Variants in COPS6 observed in about 807,000 individuals in gnomAD.
COPS6 encodes the protein COP9 signalosome subunit 6.
Under a neutral mutation model 41.0 loss-of-function variants are expected in COPS6, and 9 were observed. The observed-to-expected ratio is 0.22, with a 90% CI of 0.13 to 0.38. The LOEUF (loss-of-function observed/expected upper bound fraction) is 0.38, where lower values mean the gene tolerates loss of function less well. COPS6 is among the 10% of genes least tolerant of loss of function. COPS6 has a pLI of 1.00. For missense variants in COPS6, 302 were observed against 436.7 expected (o/e 0.69, Z 2.75); for synonymous variants, 179 against 162.9 (o/e 1.10, Z -0.75).
chr7:100,091,831 A>G lies in COPS6; in HGVS notation c.*42A>G, dbSNP rs746244539. 4 of 1,612,930 alleles carry G rather than the reference A, an allele frequency of 2.5e-6. No individual in the cohort carries two copies. The highest frequency in any genetic ancestry group is 3.4e-6 in the Non-Finnish European group (4 of 1,179,108). ...GCTGATGGACAGGGGTCAGGCAACTATCCCAAAGGGGAGGGCACTACACTT... is the reference window on the plus strand; with the variant it reads ...GCTGATGGACAGGGGTCAGGCAACTGTCCCAAAGGGGAGGGCACTACACTT... On this transcript the variant is annotated 3_prime_UTR_variant, in exon 10 of 10. Coordinates refer to ENST00000303904, the MANE Select transcript of COPS6 (RefSeq NM_006833.5). This position sits in a 1 kb window ranked among gnomAD's most constrained non-coding sequence, Gnocchi z 4.1.
chr7:100,091,357 T>A lies in COPS6; in HGVS notation c.742+27T>A. On this transcript the variant is annotated intron_variant, in intron 8 of 9. Coordinates refer to ENST00000303904, the MANE Select transcript of COPS6 (RefSeq NM_006833.5). The surrounding 1 kb of genome is among the most constrained non-coding windows in gnomAD (Gnocchi z 4.1). The stretch of plus-strand genomic sequence containing the variant: ...TAGGACAGGGGCTTCCCTGGCATTC[T>A]TCCTCTCCCTCCTGGGGAAGTGACA... 6.2e-7 allele frequency: 1 copy of A among 1,613,638 alleles called. No individual in the cohort carries two copies. The highest frequency in any genetic ancestry group is 1.1e-5 in the South Asian group (1 of 91,076).
chr7:100,091,142 G>T lies in COPS6; in HGVS notation c.639G>T (p.Glu213Asp). Residue 213 changes from glutamate (E) to aspartate (D), a missense_variant, in exon 7 of 10, where the codon GAG becomes GAT. By Grantham distance (45) the Glu-to-Asp change is conservative. Around this residue, in one of 3 missense-constraint regions of COPS6, gnomAD observed 222 missense variants for 309.0 expected, o/e 0.72. Coordinates refer to ENST00000303904, the MANE Select transcript of COPS6 (RefSeq NM_006833.5). The surrounding 1 kb of genome is among the most constrained non-coding windows in gnomAD (Gnocchi z 4.1). ...GAATGACAGCAACAGGCAGTGGAGAGAACTCCACTGGTAATGGAGGGGATT... is the reference window on the plus strand; with the variant it reads ...GAATGACAGCAACAGGCAGTGGAGATAACTCCACTGGTAATGGAGGGGATT... ...VARMTATGSG[E>D]NSTVAEHLIA... 2 of 1,613,428 alleles carry T rather than the reference G, an allele frequency of 1.2e-6. No individual in the cohort carries two copies. The highest frequency in any genetic ancestry group is 2.2e-5 in the East Asian group (1 of 44,886).
Position 100,091,533 on chromosome 7 carries a change from C to T in COPS6, c.843+13C>T. ...AGATTTTTATGATGTGAGTGTAAAA[C>T]CCGGATGGGGAGGCGGGGCTTATGC... On this transcript the variant is annotated intron_variant, in intron 9 of 9. Coordinates refer to ENST00000303904, the MANE Select transcript of COPS6 (RefSeq NM_006833.5). This position sits in a 1 kb window ranked among gnomAD's most constrained non-coding sequence, Gnocchi z 4.1. 6.2e-7 allele frequency: 1 copy of T among 1,613,908 alleles called. No homozygotes were observed.
Position 100,089,002 on chromosome 7 carries a change from G to T in COPS6, c.12G>T (p.Ala4=). ...CGGGCGCGGGGAAAATGGCGGCGGC[G>T]GCGGCGGCGGCTGCAGCTACGAACG... is the stretch of plus-strand genomic sequence containing the variant. MAA[A]AAAAAATNGT... The change falls in exon 1 of 10, where the codon GCG becomes GCT. Residue 4 remains alanine, a synonymous_variant. Coordinates refer to ENST00000303904, the MANE Select transcript of COPS6 (RefSeq NM_006833.5). The T allele has an allele frequency of 7.6e-7, 1 of 1,310,820 alleles. No individual in the cohort carries two copies. The highest frequency in any genetic ancestry group is 4.0e-5 in the Admixed American group (1 of 24,812). 81.2% of individuals were successfully genotyped at this position (1,310,820 alleles called of 1,614,324 possible).
chr7:100,091,638 T>C lies in COPS6; in HGVS notation c.844-11T>C. On this transcript the variant is annotated splice_polypyrimidine_tract_variant and intron_variant, in intron 9 of 9. Transcript: ENST00000303904. The surrounding 1 kb of genome is among the most constrained non-coding windows in gnomAD (Gnocchi z 4.1). ...GATCCCGAGGAACTGGTCCTTTCTG[T>C]TCCCTCCCAGCAATGCAACGACGTG... 6.2e-7 allele frequency: 1 copy of C among 1,614,184 alleles called. No individual in the cohort carries two copies. The highest frequency in any genetic ancestry group is 8.5e-7 in the Non-Finnish European group (1 of 1,180,014).
chr7:100,091,864 A>G lies in COPS6; in HGVS notation c.*75A>G. The G allele has an allele frequency of 1.9e-6, 3 of 1,587,932 alleles. No homozygotes were observed. The highest frequency in any genetic ancestry group is 2.6e-6 in the Non-Finnish European group (3 of 1,160,434). On this transcript the variant is annotated 3_prime_UTR_variant, in exon 10 of 10. Coordinates refer to ENST00000303904, the MANE Select transcript of COPS6 (RefSeq NM_006833.5). This position sits in a 1 kb window ranked among gnomAD's most constrained non-coding sequence, Gnocchi z 4.1. The stretch of plus-strand genomic sequence containing the variant: ...GGGGAGGGCACTACACTTCCTTGAG[A>G]GAAACCGCTGTCATTAATAAAAGGG...
Position 100,090,945 on chromosome 7 carries a change from G to C in COPS6, c.530G>C (p.Gly177Ala), listed in dbSNP as rs1396816437. Residue 177 changes from glycine (G) to alanine (A), a missense_variant, in exon 6 of 10, where the codon GGA becomes GCA. Coordinates refer to ENST00000303904, the MANE Select transcript of COPS6 (RefSeq NM_006833.5). ...VFESVIDIIN[G>A]EATMLFAELT... ...GAGTCTGTCATTGATATAATCAATG[G>C]AGAGGTAATACCCTACCCTTCAACC... The C allele has an allele frequency of 6.2e-7, 1 of 1,613,964 alleles. No homozygotes were observed. Among genetic ancestry groups the C allele is most frequent in the Non-Finnish European group, 8.5e-7 (1 of 1,179,816 alleles).
chr7:100,089,784 T>C, intron 3 of COPS6, 38 bp downstream of exon 3: 1 of 1,587,848 alleles, frequency 6.3e-7, no homozygotes, highest in Non-Finnish European at 8.6e-7. Context: ...GGAGTGGGAG[T>C]TAAAAAAAAA....
chr7:100,089,584 C>T, intron 2 of COPS6, 31 bp from the exon 3 acceptor site: 1 of 1,607,970 alleles, frequency 6.2e-7, no homozygotes, highest in Non-Finnish European at 8.5e-7. Flanking sequence ...TTTCTTTACC[C>T]TCACCTTTTC....
chr7:100,090,219 G>T (rs528528201), intron 3 of COPS6, 180 bp from the exon 4 acceptor site: 68 of 595,002 alleles, frequency 1.1e-4, no homozygotes, highest in African/African-American at 1.1e-3. Flanking sequence ...ATGGTGGTGC[G>T]TGCCTGTAGT....
In COPS6 at chr7:100,091,780, C is replaced by G. The variant is rs76829163; in HGVS notation, c.975C>G (p.Leu325=). 1 of 1,614,204 alleles carries G rather than the reference C, an allele frequency of 6.2e-7. No individual in the cohort carries two copies. The highest frequency in any genetic ancestry group is 1.3e-5 in the African/African-American group (1 of 75,050). ...RQGIGRRMRG[L]FF is the part of the protein sequence containing the mutation. ...GCATCGGCAGGAGAATGCGCGGGCT[C>G]TTTTTCTGATGAGGGTACTTGAAGG... Residue 325 remains leucine, a synonymous_variant, in exon 10 of 10, where the codon CTC becomes CTG. Coordinates refer to ENST00000303904, the MANE Select transcript of COPS6 (RefSeq NM_006833.5). This position sits in a 1 kb window ranked among gnomAD's most constrained non-coding sequence, Gnocchi z 4.1.
In COPS6 at chr7:100,089,385, A is replaced by C; in HGVS notation, c.172A>C (p.Met58Leu). Reference sequence around the variant, plus strand: ...CAACATCTCAGACCACTGGATCCGCATGCGCTCCCAGGAGGGGCGGCCTGT... The same window carrying C: ...CAACATCTCAGACCACTGGATCCGCCTGCGCTCCCAGGAGGGGCGGCCTGT... The part of the protein sequence containing the change: ...ILNISDHWIR[M>L]RSQEGRPVQV... The change falls in exon 2 of 10, where the codon ATG becomes CTG. Residue 58 changes from methionine (M) to leucine (L), a missense_variant. Physicochemically the swap from Met to Leu is conservative, Grantham distance 15 (BLOSUM62 2). Coordinates refer to ENST00000303904, the MANE Select transcript of COPS6 (RefSeq NM_006833.5). 1 of 1,614,006 alleles carries C rather than the reference A, an allele frequency of 6.2e-7. No homozygotes were observed. The highest frequency in any genetic ancestry group is 8.5e-7 in the Non-Finnish European group (1 of 1,180,012).
Position 100,091,779 on chromosome 7 carries a change from T to A in COPS6, c.974T>A (p.Leu325His), listed in dbSNP as rs1218259199. 6.2e-7 allele frequency: 1 copy of A among 1,614,086 alleles called. No individual in the cohort carries two copies. Among genetic ancestry groups the A allele is most frequent in the Non-Finnish European group, 8.5e-7 (1 of 1,180,054 alleles). ...RQGIGRRMRG[L>H]FF ...GGCATCGGCAGGAGAATGCGCGGGC[T>A]CTTTTTCTGATGAGGGTACTTGAAG... Residue 325 changes from leucine to histidine, a missense_variant, in exon 10 of 10, where the codon CTC (leucine) becomes CAC (histidine). Coordinates refer to ENST00000303904, the MANE Select transcript of COPS6 (RefSeq NM_006833.5). This position sits in a 1 kb window ranked among gnomAD's most constrained non-coding sequence, Gnocchi z 4.1.
At position 100,089,929 on chromosome 7, in the gene COPS6, C is replaced by CTTCTCA. The variant is rs1212466303; in HGVS notation, c.334+183_334+184insTTCTCA. The CTTCTCA allele has an allele frequency of 6.7e-6, 4 of 599,170 alleles. No individual in the cohort carries two copies. In the East Asian group the frequency reaches 1.2e-4, roughly 18 times the overall value. The allele number at this position is 599,170 out of a possible 1,614,324, so 37.1% of individuals were successfully genotyped here. On this transcript the variant is annotated intron_variant, in intron 3 of 9. Coordinates refer to ENST00000303904, the MANE Select transcript of COPS6 (RefSeq NM_006833.5). The stretch of plus-strand genomic sequence containing the variant: ...TTCAGAGTTCTTTCTCAAAAGAAAG[C>CTTCTCA]AAAGGATGAGAGGAGACAGGATAGA...
intron 1 of COPS6, 57 bp downstream of exon 1, chr7:100,089,123 C>T: frequency 4.1e-6 from 6 of 1,454,882 alleles, no homozygotes; most frequent in Non-Finnish European, 5.4e-6. Flanking sequence ...TCGTTGAGGC[C>T]TCCCTGTGCT....
In COPS6 at chr7:100,091,360, C is replaced by G; in HGVS notation, c.742+30C>G. On this transcript the variant is annotated intron_variant, in intron 8 of 9. Coordinates refer to ENST00000303904, the MANE Select transcript of COPS6 (RefSeq NM_006833.5). This position sits in a 1 kb window ranked among gnomAD's most constrained non-coding sequence, Gnocchi z 4.1. ...GACAGGGGCTTCCCTGGCATTCTTCCTCTCCCTCCTGGGGAAGTGACAGCA... is the reference window on the plus strand; with the variant it reads ...GACAGGGGCTTCCCTGGCATTCTTCGTCTCCCTCCTGGGGAAGTGACAGCA... The G allele has an allele frequency of 6.2e-7, 1 of 1,613,374 alleles. No individual in the cohort carries two copies. Among genetic ancestry groups the G allele is most frequent in the South Asian group, 1.1e-5 (1 of 91,070 alleles).
chr7:100,091,025 C>T lies in COPS6; in HGVS notation c.535-13C>T, dbSNP rs777038627. The T allele has an allele frequency of 5.0e-6, 8 of 1,614,136 alleles. No individual in the cohort carries two copies. The highest frequency in any genetic ancestry group is 6.8e-6 in the Non-Finnish European group (8 of 1,179,958). On this transcript the variant is annotated splice_polypyrimidine_tract_variant and intron_variant, in intron 6 of 9. Coordinates refer to ENST00000303904, the MANE Select transcript of COPS6 (RefSeq NM_006833.5). The surrounding 1 kb of genome is among the most constrained non-coding windows in gnomAD (Gnocchi z 4.1). ...CTTTTGATTCTCCCTTTGTGGGTTA[C>T]CTTGCCCTGTAGGCCACAATGCTGT... is the stretch of plus-strand genomic sequence containing the variant.
intron 5 of COPS6, 61 bp from the exon 6 acceptor site, chr7:100,090,841 G>A (rs954390860): frequency 6.3e-7 from 1 of 1,581,456 alleles, no homozygotes; most frequent in African/African-American, 1.3e-5. Context: ...GAGGAAATGT[G>A]TAAAAGCAGC....
At position 100,089,315 on chromosome 7, in the gene COPS6, A is replaced by C. The variant is rs778635465; in HGVS notation, c.102A>C (p.Gly34=). The C allele has an allele frequency of 2.0e-5, 32 of 1,613,780 alleles. No individual in the cohort carries two copies. In the African/African-American group the frequency reaches 4.1e-4, roughly 21 times the overall value. The change falls in exon 2 of 10, where the codon GGA becomes GGC. Residue 34 remains glycine (G), a synonymous_variant. Transcript: ENST00000303904. The part of the protein sequence containing the change: ...AAVVPSVMAC[G]VTGSVSVALH... The stretch of plus-strand genomic sequence containing the variant: ...TAGTCCCCAGCGTGATGGCCTGCGG[A>C]GTGACTGGGAGTGTTTCCGTCGCTC...
Sources: allele counts gnomAD v4.1 joint callset, GRCh38; gene constraint gnomAD v4.1.1; regional missense constraint gnomAD v4.1.1; non-coding constraint Gnocchi (gnomAD v3.1); transcripts MANE v1.5; gene names NCBI Gene and HGNC (gene_info 2026-07-23, HGNC 2026-07-21).